The following PTGFRN variants were observed in gnomAD, a reference collection of about 807,000 sequenced individuals.
PTGFRN encodes prostaglandin F2 receptor negative regulator.
A neutral mutation model predicts 83.2 loss-of-function variants in PTGFRN; 35 were observed. The observed-to-expected ratio is 0.42, with a 90% CI of 0.32 to 0.56. The LOEUF (loss-of-function observed/expected upper bound fraction) is 0.56, where lower values mean the gene tolerates loss of function less well. Among genes scored for constraint, PTGFRN ranks in the 20% least tolerant of loss-of-function variants. PTGFRN has a pLI of 0.11. For synonymous variants in PTGFRN, 519 were observed against 498.6 expected (o/e 1.04, Z -0.55); for missense variants, 1,051 against 1,179.5 (o/e 0.89, Z 1.60).
intron 6 of PTGFRN, among the ~76,000 whole-genome samples, chr1:116,970,191 G>A (rs1020777905): frequency 8.5e-5 from 13 of 152,108 alleles, no homozygotes; most frequent in African/African-American, 1.4e-4. Context: ...GGGGGAAAGC[G>A]TTCAGTCTCA....
At chr1:116,966,809 A>C in intron 5 of PTGFRN, 102 bp from the exon 6 acceptor site, 1 of 1,289,420 alleles carries the variant, frequency 7.8e-7, no homozygotes, top group Non-Finnish European at 1.0e-6. Flanking sequence ...TTGTGTGGCA[A>C]TTTGCAAATA....
intron 4 of PTGFRN, among the ~76,000 whole-genome samples, chr1:116,951,063 C>G (rs370299068): frequency 7.2e-5 from 11 of 152,286 alleles, no homozygotes; most frequent in African/African-American, 2.2e-4. Flanking sequence ...AATCCCAGCA[C>G]TGGCTCTCCG....
rs771564362 is a variant in PTGFRN, at chr1:116,949,409, T to C, written c.1050T>C (p.His350=). The C allele has an allele frequency of 1.2e-6, 2 of 1,614,244 alleles. No homozygotes were observed. Among genetic ancestry groups the C allele is most frequent in the South Asian group, 1.1e-5 (1 of 91,086 alleles). Reference sequence around the variant, plus strand: ...GCTCGCCTCATGTTGCTTTGAGTCATGTGGATGCACGCTCCTACCATTTAC... The same window carrying C: ...GCTCGCCTCATGTTGCTTTGAGTCACGTGGATGCACGCTCCTACCATTTAC... The part of the protein sequence containing the change: ...VHSSPHVALS[H]VDARSYHLLV... The change falls in exon 4 of 9, where the codon CAT becomes CAC. Residue 350 remains histidine, a synonymous_variant. Coordinates refer to ENST00000393203, the MANE Select transcript of PTGFRN (RefSeq NM_020440.4).
chr1:116,987,912 G>C lies in PTGFRN; in HGVS notation c.*945G>C, dbSNP rs1339864441. On this transcript the variant is annotated 3_prime_UTR_variant, in exon 9 of 9. Transcript: ENST00000393203. ...TACGCAGCTGGGGCCAGGAGGGTCA[G>C]AGTGGTGCCAGGTGCAAGTTAGGCT... 6.6e-6 allele frequency: 1 copy of C among 152,332 alleles called. No individual in the cohort carries two copies. The highest frequency in any genetic ancestry group is 1.5e-5 in the Non-Finnish European group (1 of 68,074). The allele number at this position is 152,332 out of a possible 1,614,324, so 9.4% of individuals were successfully genotyped here. A position where few individuals can be genotyped will look rare whatever the true frequency, so the allele number is the denominator to read the frequency against.
intron 1 of PTGFRN, among the ~76,000 whole-genome samples, chr1:116,932,069 T>C (rs1649816184): frequency 6.6e-6 from 1 of 152,208 alleles, no homozygotes; most frequent in African/African-American, 2.4e-5. Context: ...TGAGCAGAAA[T>C]AGAAACAATT....
At chr1:116,922,273 A>G (rs1194145678) in intron 1 of PTGFRN, among the ~76,000 whole-genome samples, 1 of 152,194 alleles carries the variant, frequency 6.6e-6, no homozygotes, top group African/African-American at 2.4e-5. Context: ...TCACAAAACA[A>G]TTACTGATGT....
Position 116,984,931 on chromosome 1 carries a change from CAGA to C in PTGFRN, c.2422_2424del (p.Lys808del). The C allele has an allele frequency of 6.2e-7, 1 of 1,614,142 alleles. No individual in the cohort carries two copies. Among genetic ancestry groups the C allele is most frequent in the South Asian group, 1.1e-5 (1 of 91,084 alleles). ...GGTGAAGTCACCAACAGGTTCCTGG[CAGA>C]AGGAGGCAGAGATCCACTCCAAGCC... On this transcript the variant is annotated inframe_deletion, in exon 8 of 9. Transcript: ENST00000393203.
chr1:116,911,976 G>A (rs1649284159), intron 1 of PTGFRN, among the ~76,000 whole-genome samples: 1 of 152,204 alleles, frequency 6.6e-6, no homozygotes, highest in South Asian at 2.1e-4. Context: ...GGGAGCTGCT[G>A]TTCACTTTGT....
intron 3 of PTGFRN, 116 bp downstream of exon 3, chr1:116,945,208 T>C: frequency 7.6e-7 from 1 of 1,308,770 alleles, no homozygotes; most frequent in Non-Finnish European, 1.0e-6. Flanking sequence ...CTGCTTCCCA[T>C]GTGAGGCCTT....
intron 7 of PTGFRN, among the ~76,000 whole-genome samples, chr1:116,978,649 A>G (rs1651226352): frequency 6.6e-6 from 1 of 152,238 alleles, no homozygotes; most frequent in Non-Finnish European, 1.5e-5. Flanking sequence ...AGATGCAGAA[A>G]AGGCCTTTGA....
Position 116,910,145 on chromosome 1 carries a change from G to A in PTGFRN, c.-59G>A. On this transcript the variant is annotated 5_prime_UTR_variant, in exon 1 of 9. Transcript: ENST00000393203. ...GGAGCAGCCGGAGCTGGAAGAGGAGGAGGAGGAGAGGCGGCGGGGAAGGAG... is the reference window on the plus strand; with the variant it reads ...GGAGCAGCCGGAGCTGGAAGAGGAGAAGGAGGAGAGGCGGCGGGGAAGGAG... 2.2e-5 allele frequency: 33 copies of A among 1,500,490 alleles called. No individual in the cohort carries two copies. The highest frequency in any genetic ancestry group is 2.9e-5 in the Non-Finnish European group (32 of 1,122,726). 92.9% of individuals were successfully genotyped at this position (1,500,490 alleles called of 1,614,324 possible). A position where few individuals can be genotyped will look rare whatever the true frequency, so the allele number is the denominator to read the frequency against.
chr1:116,978,534 G>A (rs1295973913), intron 7 of PTGFRN, among the ~76,000 whole-genome samples: 3 of 152,126 alleles, frequency 2.0e-5, no homozygotes, highest in African/African-American at 7.2e-5. Context: ...ATGATCAAAT[G>A]GGCTTCATCC....
chr1:116,974,916 C>T lies in PTGFRN; in HGVS notation c.2167+593C>T, dbSNP rs530722067. 2.6e-5 allele frequency among the ~76,000 whole-genome samples: 4 copies of T among 152,310 alleles called. No homozygotes were observed. In the East Asian group the frequency reaches 7.7e-4, roughly 29 times the overall value. ...ACAGCCCACCGAGCGTGAGCCGAAG[C>T]AGGGCAAGGCATCAACTCACCCGGG... is the stretch of plus-strand genomic sequence containing the variant. On this transcript the variant is annotated intron_variant, in intron 7 of 8. Transcript: ENST00000393203.
chr1:116,934,377 G>C (rs1243822423), intron 1 of PTGFRN, among the ~76,000 whole-genome samples: 1 of 152,100 alleles, frequency 6.6e-6, no homozygotes, highest in Non-Finnish European at 1.5e-5. Flanking sequence ...GAACCCCTGG[G>C]CTCAAGCAGT....
Position 116,910,027 on chromosome 1 carries a change from G to T in PTGFRN, c.-177G>T, listed in dbSNP as rs1423088699. 2.7e-6 allele frequency: 2 copies of T among 729,504 alleles called. No homozygotes were observed. Among genetic ancestry groups the T allele is most frequent in the Non-Finnish European group, 4.7e-6 (2 of 429,448 alleles). The allele number at this position is 729,504 out of a possible 1,614,324, so 45.2% of individuals were successfully genotyped here. ...AAGGAGGCGGGAGGGAGCGAGCGGA[G>T]CCAGGGGCGCACGTACGCCCCAGCG... On this transcript the variant is annotated 5_prime_UTR_variant, in exon 1 of 9. Transcript: ENST00000393203.
intron 7 of PTGFRN, among the ~76,000 whole-genome samples, chr1:116,974,798 C>T (rs539787207): frequency 1.3e-5 from 2 of 152,310 alleles, no homozygotes; most frequent in East Asian, 1.9e-4. Context: ...CCAGCGTGAG[C>T]GATGCAGAAG....
At chr1:116,974,776 A>T (rs1570676614) in intron 7 of PTGFRN, among the ~76,000 whole-genome samples, 1 of 152,230 alleles carries the variant, frequency 6.6e-6, no homozygotes, top group African/African-American at 2.4e-5. Context: ...GAACAGCTCC[A>T]GTCTACAGCT....
chr1:116,954,571 T>C (rs1319855762), intron 4 of PTGFRN, among the ~76,000 whole-genome samples: 1 of 152,236 alleles, frequency 6.6e-6, no homozygotes, highest in Non-Finnish European at 1.5e-5. Flanking sequence ...TAGAACATGG[T>C]CCTATTGTAC....
In PTGFRN at chr1:116,941,744, C is replaced by T. The variant is rs1650066201; in HGVS notation, c.79C>T (p.Pro27Ser). The change falls in exon 2 of 9, where the codon CCC becomes TCC. Residue 27 changes from proline to serine, a missense_variant. Physicochemically the swap from Pro to Ser is moderately conservative, Grantham distance 74. Around this residue, in one of 3 missense-constraint regions of PTGFRN, gnomAD observed 127 missense variants for 168.4 expected, o/e 0.75. Coordinates refer to ENST00000393203, the MANE Select transcript of PTGFRN (RefSeq NM_020440.4). The surrounding 1 kb of genome is among the most constrained non-coding windows in gnomAD (Gnocchi z 5.0). ...TTGCCGAGGGCGTGTGGTGAGAGTCCCCACAGCGACCCTGGTTCGAGTGGT... is the reference window on the plus strand; with the variant it reads ...TTGCCGAGGGCGTGTGGTGAGAGTCTCCACAGCGACCCTGGTTCGAGTGGT... ...ALCRGRVVRV[P>S]TATLVRVVGT... 6.2e-7 allele frequency: 1 copy of T among 1,613,562 alleles called. No individual in the cohort carries two copies. Among genetic ancestry groups the T allele is most frequent in the African/African-American group, 1.3e-5 (1 of 74,890 alleles).
Sources: allele counts gnomAD v4.1 joint callset (sites outside exome capture counted in the v4.1 genomes callset), GRCh38; gene constraint gnomAD v4.1.1; regional missense constraint gnomAD v4.1.1; non-coding constraint Gnocchi (gnomAD v3.1); transcripts MANE v1.5; gene names NCBI Gene and HGNC (gene_info 2026-07-23, HGNC 2026-07-21).